The following ANKHD1 variants were observed in gnomAD, a reference collection of about 807,000 sequenced individuals.
ANKHD1 encodes ankyrin repeat and KH domain containing 1, also known as ankyrin repeat and KH domain-containing protein 1.
ANKHD1 carries 31 observed loss-of-function variants against 230.5 expected under a neutral mutation model. The ratio of observed to expected loss-of-function variants is 0.13; its 90% CI spans 0.10 to 0.18. ANKHD1 has a LOEUF of 0.18. Among genes scored for constraint, ANKHD1 ranks in the 10% least tolerant of loss-of-function variants. ANKHD1 has a pLI of 1.00. For missense variants in ANKHD1, 2,256 were observed against 3,071.3 expected (o/e 0.73, Z 6.27); for synonymous variants, 1,074 against 1,117.6 (o/e 0.96, Z 0.78).
intron 24 of ANKHD1, among the ~76,000 whole-genome samples, chr5:140,518,737 A>G (rs1403914919): frequency 6.6e-6 from 1 of 152,070 alleles, no homozygotes; most frequent in Non-Finnish European, 1.5e-5. Flanking sequence ...AAATTCAACA[A>G]CCCTTCATGC....
chr5:140,414,406 G>A (rs1365348089), intron 1 of ANKHD1, among the ~76,000 whole-genome samples: 6 of 152,014 alleles, frequency 3.9e-5, no homozygotes, highest in Non-Finnish European at 5.9e-5. Context: ...GGTATGAAGT[G>A]GTATTTCATT....
intron 26 of ANKHD1, among the ~76,000 whole-genome samples, chr5:140,526,680 G>A (rs1214304823): frequency 9.2e-6 from 1 of 108,594 alleles, no homozygotes; most frequent in Non-Finnish European, 2.0e-5. Flanking sequence ...GAAAATATTT[G>A]CATGCTTTGA....
chr5:140,450,330 C>G (rs1304631011), intron 7 of ANKHD1, among the ~76,000 whole-genome samples: 2 of 145,976 alleles, frequency 1.4e-5, no homozygotes, highest in Admixed American at 6.9e-5. Context: ...GAGTCTTGCT[C>G]TGTTGCCCAG....
intron 22 of ANKHD1, 61 bp from the exon 23 acceptor site, chr5:140,512,761 TTTATTC>T (rs1465513495): frequency 7.0e-7 from 1 of 1,420,462 alleles, no homozygotes; most frequent in Non-Finnish European, 9.5e-7. Flanking sequence ...TTTACTTTCT[TTTATTC>T]TTAAGAATAA....
chr5:140,453,561 A>G (rs981247726), intron 7 of ANKHD1, among the ~76,000 whole-genome samples: 1 of 152,244 alleles, frequency 6.6e-6, no homozygotes, highest in Non-Finnish European at 1.5e-5. Flanking sequence ...CCAATATTCA[A>G]CATTCTTAAA....
At position 140,532,329 on chromosome 5, in the gene ANKHD1, G is replaced by C. The variant is rs531162666; in HGVS notation, c.6850+2533G>C. 8.5e-5 allele frequency among the ~76,000 whole-genome samples: 13 copies of C among 152,226 alleles called. No individual in the cohort carries two copies. In the East Asian group the frequency reaches 2.5e-3, roughly 29 times the overall value. ...ATATTTATTTTATGATTCCATTTAT[G>C]TGAAACATCCAGATTAGCAAATCCA... On this transcript the variant is annotated intron_variant, in intron 29 of 33. Transcript: ENST00000360839.
intron 2 of ANKHD1, 81 bp from the exon 3 acceptor site, chr5:140,438,380 T>C (rs576118748): frequency 5.7e-5 from 82 of 1,441,486 alleles, no homozygotes; most frequent in Non-Finnish European, 6.9e-5. Flanking sequence ...TAATAGTGTT[T>C]AGAAATATAA....
rs200859256 is a variant in ANKHD1 at position 140,402,177 on chromosome 5, A to G, written c.210A>G (p.Gly70=). The part of the protein sequence containing the change: ...GGGGSGSGTG[G]GDAALDFKLA... ...GCGGCAGCGGCAGCGGTACGGGCGG[A>G]GGGGACGCGGCGCTGGATTTCAAGT... Residue 70 remains glycine (G), a synonymous_variant, in exon 1 of 34, where the codon GGA becomes GGG. Coordinates refer to ENST00000360839, the MANE Select transcript of ANKHD1 (RefSeq NM_017747.3). 2 of 1,524,502 alleles carry G rather than the reference A, an allele frequency of 1.3e-6. No individual in the cohort carries two copies. Among genetic ancestry groups the G allele is most frequent in the Admixed American group, 2.1e-5 (1 of 48,280 alleles). 94.4% of individuals were successfully genotyped at this position (1,524,502 alleles called of 1,614,324 possible).
chr5:140,491,392 T>G (rs1288218161), intron 14 of ANKHD1, among the ~76,000 whole-genome samples: 1 of 151,720 alleles, frequency 6.6e-6, no homozygotes, highest in Non-Finnish European at 1.5e-5. Flanking sequence ...CTTGAAGTCC[T>G]GAGCTCAAGA....
chr5:140,533,554 G>A (rs150105222), intron 29 of ANKHD1, among the ~76,000 whole-genome samples: 4,096 of 152,018 alleles, frequency 0.027, 197 homozygotes, highest in African/African-American at 0.095. Flanking sequence ...AGCCGAGATC[G>A]CGCCACTGGA....
At chr5:140,462,699 T>A (rs1394522143) in intron 9 of ANKHD1, among the ~76,000 whole-genome samples, 1 of 120,344 alleles carries the variant, frequency 8.3e-6, no homozygotes, top group African/African-American at 3.2e-5. Context: ...CACTCCAGCC[T>A]GGGTGACAGA....
chr5:140,402,292 C>T lies in ANKHD1; in HGVS notation c.306+19C>T. The T allele has an allele frequency of 1.4e-6, 2 of 1,456,714 alleles. No homozygotes were observed. The highest frequency in any genetic ancestry group is 1.8e-6 in the Non-Finnish European group (2 of 1,111,412). The allele number at this position is 1,456,714 out of a possible 1,614,324, so 90.2% of individuals were successfully genotyped here. ...GTCCGAGGTAAGGCTCCGGGACCCT[C>T]GCCTCCCACACATTGTGAGGCGTGA... On this transcript the variant is annotated intron_variant, in intron 1 of 33. Coordinates refer to ENST00000360839, the MANE Select transcript of ANKHD1 (RefSeq NM_017747.3).
intron 29 of ANKHD1, among the ~76,000 whole-genome samples, chr5:140,534,219 C>T (rs1245371758): frequency 1.3e-5 from 2 of 151,944 alleles, no homozygotes; most frequent in African/African-American, 4.8e-5. Flanking sequence ...GGGGAAACCC[C>T]GTTTCTACTA....
Position 140,494,563 on chromosome 5 carries a change from G to C in ANKHD1, c.2246-1957G>C, listed in dbSNP as rs370007742. 2.2e-4 allele frequency among the ~76,000 whole-genome samples: 34 copies of C among 152,280 alleles called. 1 individual carries two copies. The South Asian group carries it at 7.0e-3, about 32-fold the overall frequency. Reference sequence around the variant, plus strand: ...TGGTCATCTTACCTTATTAAAGACAGTATGTAGGTGAAAAACTTAGACTTT... The same window carrying C: ...TGGTCATCTTACCTTATTAAAGACACTATGTAGGTGAAAAACTTAGACTTT... On this transcript the variant is annotated intron_variant, in intron 14 of 33. Transcript: ENST00000360839.
intron 1 of ANKHD1, among the ~76,000 whole-genome samples, chr5:140,423,972 C>A (rs1342353555): frequency 6.6e-6 from 1 of 152,190 alleles, no homozygotes; most frequent in Non-Finnish European, 1.5e-5. Context: ...TTCTGTCACT[C>A]TTTTGGCCAA....
rs1320215526 is a variant in ANKHD1 at position 140,528,517 on chromosome 5, C to T, written c.5571C>T (p.Ala1857=). The part of the protein sequence containing the change: ...LPLAYPHPHF[A]LLAAQTMQQI... Reference sequence around the variant, plus strand: ...TAGCTTATCCTCACCCTCATTTTGCCCTGCTGGCTGCTCAAACTATGCAAC... The same window carrying T: ...TAGCTTATCCTCACCCTCATTTTGCTCTGCTGGCTGCTCAAACTATGCAAC... Residue 1857 remains alanine (A), a synonymous_variant, in exon 29 of 34, where the codon GCC becomes GCT. Transcript: ENST00000360839. 6.2e-7 allele frequency: 1 copy of T among 1,614,136 alleles called. No homozygotes were observed. Among genetic ancestry groups the T allele is most frequent in the East Asian group, 2.2e-5 (1 of 44,886 alleles).
At chr5:140,516,490 T>C (rs1356828583) in intron 24 of ANKHD1, among the ~76,000 whole-genome samples, 2 of 151,556 alleles carry the variant, frequency 1.3e-5, no homozygotes, top group African/African-American at 2.4e-5. Flanking sequence ...GACACATAAT[T>C]GTCAGATTCA....
At position 140,496,691 on chromosome 5, in the gene ANKHD1, T is replaced by C; in HGVS notation, c.2417T>C (p.Leu806Ser). The C allele has an allele frequency of 6.2e-7, 1 of 1,613,992 alleles. No individual in the cohort carries two copies. Among genetic ancestry groups the C allele is most frequent in the Non-Finnish European group, 8.5e-7 (1 of 1,179,998 alleles). Residue 806 changes from leucine (L) to serine (S), a missense_variant, in exon 15 of 34, where the codon TTA becomes TCA. Physicochemically the swap from Leu to Ser is moderately radical, Grantham distance 145 (BLOSUM62 -2). Transcript: ENST00000360839. ...IEKAQLKSLELIQGEPLNKDK... is the reference protein window; with the variant it reads ...IEKAQLKSLESIQGEPLNKDK... ...AAAGCACAGCTTAAGTCACTGGAGTTAATTCAAGGTGAACCTCTGAACAAA... is the reference window on the plus strand; with the variant it reads ...AAAGCACAGCTTAAGTCACTGGAGTCAATTCAAGGTGAACCTCTGAACAAA...
At chr5:140,430,304 T>C (rs1348723025) in intron 1 of ANKHD1, among the ~76,000 whole-genome samples, 4 of 152,224 alleles carry the variant, frequency 2.6e-5, no homozygotes, top group Non-Finnish European at 4.4e-5. Flanking sequence ...AAAAAGATTC[T>C]TTGGTGTTTA....
Sources: gnomAD v4.1 joint callset for allele counts (sites outside exome capture counted in the v4.1 genomes callset) on GRCh38, gnomAD v4.1.1 for gene constraint, MANE v1.5 for transcripts, NCBI Gene and HGNC (gene_info 2026-07-23, HGNC 2026-07-21) for gene names.